The following SLC22A9 variants were observed in gnomAD, a reference collection of about 807,000 sequenced individuals.
SLC22A9 encodes the protein solute carrier family 22 member 9, also known as organic anion transporter 7.
In SLC22A9, 64 loss-of-function variants were observed where a neutral mutation model predicts 50.1. That is an observed-to-expected ratio of 1.28 (90% CI 1.04 to 1.57). The LOEUF is 1.57. Ranked by LOEUF, SLC22A9 falls within the 40% of genes most tolerant of loss-of-function variation. The pLI is 0.00. For missense variants in SLC22A9, 757 were observed against 676.1 expected, an observed-to-expected ratio of 1.12 and a Z score of -1.33; for synonymous variants, 261 against 242.5, an observed-to-expected ratio of 1.08 and a Z score of -0.71.
chr11:63,374,061 A>G lies in SLC22A9; in HGVS notation c.829A>G (p.Ser277Gly). The G allele has an allele frequency of 1.9e-6, 3 of 1,605,354 alleles. No homozygotes were observed. Among genetic ancestry groups the G allele is most frequent in the Non-Finnish European group, 2.5e-6 (3 of 1,176,610 alleles). ...ATACTTTGTGATCTTTCTGACCTCAAGGTATGAGTTTGTTTCTTCTTTTGT... is the reference window on the plus strand; with the variant it reads ...ATACTTTGTGATCTTTCTGACCTCAGGGTATGAGTTTGTTTCTTCTTTTGT... ...VPYFVIFLTS[S>G]WLLESARWLI... Residue 277 changes from serine (S) to glycine (G), a missense_variant and splice_region_variant, in exon 4 of 10, where the codon AGT becomes GGT. Transcript: ENST00000279178.
rs529828683 is a variant in SLC22A9 at position 63,370,259 on chromosome 11, G to C, written c.203G>C (p.Ser68Thr). ...TVSDNDTGAL[S>T]QDALLRISIP... ...TCTGACAATGACACTGGGGCCCTCA[G>C]CCAAGATGCACTCTTGAGAATCTCC... Residue 68 changes from serine (S) to threonine (T), a missense_variant, in exon 1 of 10, where the codon AGC (serine) becomes ACC (threonine). Physicochemically the swap from Ser to Thr is moderately conservative, Grantham distance 58. Transcript: ENST00000279178. 6.2e-7 allele frequency: 1 copy of C among 1,614,072 alleles called. No individual in the cohort carries two copies. Among genetic ancestry groups the C allele is most frequent in the South Asian group, 1.1e-5 (1 of 91,078 alleles).
In SLC22A9 at chr11:63,408,316, A is replaced by G. The variant is rs616365; in HGVS notation, c.1397+96A>G. Reference sequence around the variant, plus strand: ...GAAGAAATCTAAGACTGGTTCATTAAGAAAATAAATCATAACAGTCATAAA... The same window carrying G: ...GAAGAAATCTAAGACTGGTTCATTAGGAAAATAAATCATAACAGTCATAAA... On this transcript the variant is annotated intron_variant, in intron 8 of 9. Coordinates refer to ENST00000279178, the MANE Select transcript of SLC22A9 (RefSeq NM_080866.3). 4,296 of 975,780 alleles carry G rather than the reference A, an allele frequency of 4.4e-3. 130 individuals carry two copies. The African/African-American group carries it at 0.063, about 14-fold the overall frequency. 60.4% of individuals were successfully genotyped at this position (975,780 alleles called of 1,614,324 possible).
Position 63,409,922 on chromosome 11 carries a change from T to C in SLC22A9, c.*60T>C. 6.4e-7 allele frequency: 1 copy of C among 1,572,302 alleles called. No individual in the cohort carries two copies. On this transcript the variant is annotated 3_prime_UTR_variant, in exon 10 of 10. Transcript: ENST00000279178. Reference sequence around the variant, plus strand: ...AGATGAAGGGAACAATCAGGACTATTCCTAGACACTAGCAAAATCTAGAAA... The same window carrying C: ...AGATGAAGGGAACAATCAGGACTATCCCTAGACACTAGCAAAATCTAGAAA...
chr11:63,398,116 C>T (rs564090), intron 6 of SLC22A9, among the ~76,000 whole-genome samples: 3,488 of 152,218 alleles, frequency 0.023, 141 homozygotes, highest in African/African-American at 0.08. Flanking sequence ...TCCTGTCAGG[C>T]CTGCGTCCTT....
intron 6 of SLC22A9, among the ~76,000 whole-genome samples, chr11:63,386,946 T>A (rs1440471588): frequency 6.6e-6 from 1 of 152,056 alleles, no homozygotes; most frequent in Non-Finnish European, 1.5e-5. Context: ...CTTTGGGGTT[T>A]GTTTGCTCTT....
intron 4 of SLC22A9, among the ~76,000 whole-genome samples, chr11:63,374,717 T>C (rs1032491401): frequency 6.6e-6 from 1 of 152,164 alleles, no homozygotes; most frequent in Non-Finnish European, 1.5e-5. Context: ...GTAGTCTATG[T>C]TTTTATATAT....
intron 5 of SLC22A9, among the ~76,000 whole-genome samples, chr11:63,377,678 T>C (rs2014487931): frequency 6.6e-6 from 1 of 151,904 alleles, no homozygotes; most frequent in African/African-American, 2.4e-5. Flanking sequence ...AACCCAAAGC[T>C]AGCAGAAAAG....
At chr11:63,383,645 C>T (rs1257043221) in intron 6 of SLC22A9, among the ~76,000 whole-genome samples, 1 of 151,974 alleles carries the variant, frequency 6.6e-6, no homozygotes, top group African/African-American at 2.4e-5. Flanking sequence ...AAACATGACT[C>T]AAAAGGGAAC....
chr11:63,406,051 G>T (rs1401347875), intron 6 of SLC22A9, among the ~76,000 whole-genome samples: 1 of 152,154 alleles, frequency 6.6e-6, no homozygotes, highest in Non-Finnish European at 1.5e-5. Context: ...ATGAGTTTGA[G>T]ACTTGGTTTG....
intron 2 of SLC22A9, among the ~76,000 whole-genome samples, chr11:63,372,695 C>T (rs2014383741): frequency 6.6e-6 from 1 of 151,812 alleles, no homozygotes; most frequent in Non-Finnish European, 1.5e-5. Context: ...TGTTTAATTT[C>T]CCTTTGCAAT....
rs750361059 is a variant in SLC22A9, at chr11:63,410,238, C to CAAAAAAAAAAAAAAAAAAAAAAAAAAA, written c.*398_*399insAAAAAAAAAAAAAAAAAAAAAAAAAAA. On this transcript the variant is annotated 3_prime_UTR_variant, in exon 10 of 10. Transcript: ENST00000279178. ...GCCTGGTGACAGAGCGAGACTGTCT[C>CAAAAAAAAAAAAAAAAAAAAAAAAAAA]AAAAAAAAAAAAAAAAAAAAAAGAA... The CAAAAAAAAAAAAAAAAAAAAAAAAAAA allele has an allele frequency of 1.5e-4, 5 of 34,388 alleles. No individual in the cohort carries two copies. Among genetic ancestry groups the CAAAAAAAAAAAAAAAAAAAAAAAAAAA allele is most frequent in the African/African-American group, 5.8e-4 (4 of 6,938 alleles). The allele number at this position is 34,388 out of a possible 1,614,324, so 2.1% of individuals were successfully genotyped here.
At chr11:63,406,347 T>C (rs1213436457) in intron 6 of SLC22A9, 150 bp from the exon 7 acceptor site, 3 of 668,190 alleles carry the variant, frequency 4.5e-6, no homozygotes, top group East Asian at 2.7e-5. Context: ...AATAGATTTC[T>C]TTAAATCACG....
intron 2 of SLC22A9, among the ~76,000 whole-genome samples, chr11:63,371,796 C>T (rs1040109390): frequency 2.0e-5 from 3 of 152,116 alleles, no homozygotes; most frequent in Admixed American, 2.0e-4. Flanking sequence ...GGTAAGTAAT[C>T]CAAGGATAAT....
Position 63,408,669 on chromosome 11 carries a change from C to T in SLC22A9, c.1398-7C>T. 1 of 1,603,582 alleles carries T rather than the reference C, an allele frequency of 6.2e-7. No homozygotes were observed. The highest frequency in any genetic ancestry group is 1.1e-5 in the South Asian group (1 of 90,882). ...AGATATTCTTGTATTGCTGTTTCCA[C>T]TCAAAGGGCAAGAGCTATGGGGATC... On this transcript the variant is annotated splice_region_variant and splice_polypyrimidine_tract_variant and intron_variant, in intron 8 of 9. Transcript: ENST00000279178.
chr11:63,391,262 C>A (rs12799771), intron 6 of SLC22A9, among the ~76,000 whole-genome samples: 1 of 151,754 alleles, frequency 6.6e-6, no homozygotes, highest in African/African-American at 2.4e-5. Flanking sequence ...TAAGAAATAC[C>A]CATGAGCTGA....
chr11:63,390,971 C>A (rs879582526), intron 6 of SLC22A9, among the ~76,000 whole-genome samples: 1 of 151,878 alleles, frequency 6.6e-6, no homozygotes, highest in East Asian at 1.9e-4. Context: ...AAAAATATAC[C>A]TCTTAGTACT....
chr11:63,374,830 A>G (rs1247957772), intron 4 of SLC22A9, among the ~76,000 whole-genome samples: 1 of 152,122 alleles, frequency 6.6e-6, no homozygotes, highest in Non-Finnish European at 1.5e-5. Flanking sequence ...TACTTTCATA[A>G]CTATCTAAAG....
At position 63,410,257 on chromosome 11, in the gene SLC22A9, A is replaced by AAAACAAAGAAGGAAAGAAAG; in HGVS notation, c.*398_*399insCAAAGAAGGAAAGAAAGAAA. The AAAACAAAGAAGGAAAGAAAG allele has an allele frequency of 9.2e-6, 1 of 108,468 alleles. No homozygotes were observed. The highest frequency in any genetic ancestry group is 1.1e-4 in the Admixed American group (1 of 8,716). The allele number at this position is 108,468 out of a possible 1,614,324, so 6.7% of individuals were successfully genotyped here. A position where few individuals can be genotyped will look rare whatever the true frequency, so the allele number is the denominator to read the frequency against. On this transcript the variant is annotated 3_prime_UTR_variant, in exon 10 of 10. Transcript: ENST00000279178. Reference sequence around the variant, plus strand: ...CTGTCTCAAAAAAAAAAAAAAAAAAAAAAGAAAGAAGGAAAGAAAGAAAGA... The same window carrying AAAACAAAGAAGGAAAGAAAG: ...CTGTCTCAAAAAAAAAAAAAAAAAAAAAACAAAGAAGGAAAGAAAGAAAGAAAGAAGGAAAGAAAGAAAGA...
chr11:63,405,114 AAAT>A (rs1210823050), intron 6 of SLC22A9, among the ~76,000 whole-genome samples: 1 of 151,826 alleles, frequency 6.6e-6, no homozygotes, highest in Non-Finnish European at 1.5e-5. Flanking sequence ...AAAGCTATTG[AAAT>A]AATAACAATA....
Sources: allele counts gnomAD v4.1 joint callset (sites outside exome capture counted in the v4.1 genomes callset), GRCh38; gene constraint gnomAD v4.1.1; transcripts MANE v1.5; gene names NCBI Gene and HGNC (gene_info 2026-07-23, HGNC 2026-07-21).